Variants in TENM3 observed in about 807,000 individuals in gnomAD.
TENM3 encodes teneurin transmembrane protein 3.
Under a neutral mutation model 255.1 loss-of-function variants are expected in TENM3, and 63 were observed. That is an observed-to-expected ratio of 0.25 (90% CI 0.20 to 0.30). The LOEUF is 0.30. Ranked by LOEUF, TENM3 falls within the 10% of genes least tolerant of loss-of-function variation. The pLI, the probability that TENM3 is intolerant of heterozygous loss-of-function variation, is 1.00. For missense variants in TENM3, 2,929 were observed against 3,461.1 expected, an observed-to-expected ratio of 0.85 and a Z score of 3.86; for synonymous variants, 1,306 against 1,322.3, an observed-to-expected ratio of 0.99 and a Z score of 0.27.
intron 1 of TENM3, among the ~76,000 whole-genome samples, chr4:182,272,018 C>A (rs564294518): frequency 1.3e-5 from 2 of 152,166 alleles, no homozygotes; most frequent in African/African-American, 4.8e-5. Context: ...GGTTTGTCTC[C>A]ACACAGCTCT....
At chr4:182,770,106 A>G (rs926178519) in intron 22 of TENM3, among the ~76,000 whole-genome samples, 8 of 79,592 alleles carry the variant, frequency 1.0e-4, no homozygotes, top group African/African-American at 1.3e-4. Flanking sequence ...ACTTGTCTCG[A>G]AAAAAAAAAA....
chr4:182,157,927 T>C (rs888031007), intron 1 of TENM3, among the ~76,000 whole-genome samples: 17 of 152,366 alleles, frequency 1.1e-4, no homozygotes, highest in South Asian at 2.1e-4. Flanking sequence ...TACCAAGATA[T>C]GCGTCCTCTC....
At chr4:182,521,971 A>G (rs185560063) in intron 3 of TENM3, among the ~76,000 whole-genome samples, 2 of 152,334 alleles carry the variant, frequency 1.3e-5, no homozygotes, top group African/African-American at 4.8e-5. Context: ...AAAGAGACTT[A>G]TATGACGTTC....
At chr4:182,706,632 T>A (rs1003103033) in intron 12 of TENM3, among the ~76,000 whole-genome samples, 1 of 152,192 alleles carries the variant, frequency 6.6e-6, no homozygotes, top group African/African-American at 2.4e-5. Context: ...TCATTTTATA[T>A]GGTCATTTTA....
the TENM3 span, among the ~76,000 whole-genome samples, chr4:181,501,199 G>T: frequency 2.0e-5 from 3 of 152,112 alleles, no homozygotes; most frequent in Non-Finnish European, 2.9e-5. Context: ...GGTGGCGGGT[G>T]GTGGAGAAGG....
chr4:182,680,412 C>T, intron 9 of TENM3, 63 bp downstream of exon 9: 1 of 1,189,086 alleles, frequency 8.4e-7, no homozygotes, highest in Non-Finnish European at 1.2e-6. Flanking sequence ...CAAGTGATTC[C>T]AAAAACTACC....
the TENM3 span, among the ~76,000 whole-genome samples, chr4:181,994,557 T>TG: frequency 2.0e-5 from 3 of 149,142 alleles, no homozygotes; most frequent in Admixed American, 6.7e-5. Flanking sequence ...TTTGTGGGTT[T>TG]TTTTTTTTTT....
At chr4:181,608,645 C>A in the TENM3 span, among the ~76,000 whole-genome samples, 1 of 152,192 alleles carries the variant, frequency 6.6e-6, no homozygotes, top group African/African-American at 2.4e-5. Flanking sequence ...TGGTAAAGAA[C>A]TGAAGTAAAT....
intron 1 of TENM3, among the ~76,000 whole-genome samples, chr4:182,223,403 AG>A (rs1308138452): frequency 1.3e-5 from 2 of 152,000 alleles, no homozygotes; most frequent in African/African-American, 2.4e-5. Context: ...TTTTTTTATG[AG>A]GGGGTTTCTA....
At chr4:181,568,289 G>A in the TENM3 span, among the ~76,000 whole-genome samples, 3 of 151,126 alleles carry the variant, frequency 2.0e-5, no homozygotes, top group African/African-American at 4.9e-5. Flanking sequence ...TCAGCCTCCC[G>A]AGTAGCTGAG....
chr4:181,649,209 A>G, the TENM3 span, among the ~76,000 whole-genome samples: 1 of 152,196 alleles, frequency 6.6e-6, no homozygotes, highest in Admixed American at 6.5e-5. Flanking sequence ...CTGCTGCATG[A>G]AAATAGTTTT....
chr4:181,694,599 A>G, the TENM3 span, among the ~76,000 whole-genome samples: 1 of 152,180 alleles, frequency 6.6e-6, no homozygotes, highest in African/African-American at 2.4e-5. Flanking sequence ...GTTATACAGG[A>G]CGAATATCAC....
upstream of TENM3, among the ~76,000 whole-genome samples, chr4:182,243,144 C>T (rs1285407840): frequency 2.0e-5 from 3 of 152,118 alleles, no homozygotes; most frequent in Non-Finnish European, 2.9e-5. Flanking sequence ...GACAGAGTTT[C>T]GCTCTTGTCG....
intron 3 of TENM3, among the ~76,000 whole-genome samples, chr4:182,411,446 G>C (rs936515257): frequency 2.0e-5 from 3 of 152,080 alleles, no homozygotes; most frequent in African/African-American, 7.2e-5. Flanking sequence ...TTTACAAAGA[G>C]GAGGTTCTGA....
At chr4:182,449,809 G>C (rs1773299112) in intron 3 of TENM3, among the ~76,000 whole-genome samples, 1 of 152,196 alleles carries the variant, frequency 6.6e-6, no homozygotes, top group Non-Finnish European at 1.5e-5. Flanking sequence ...GTTGTGCTTC[G>C]ATGCAGGCTA....
chr4:181,600,380 C>T, the TENM3 span, among the ~76,000 whole-genome samples: 2 of 152,130 alleles, frequency 1.3e-5, no homozygotes, highest in Admixed American at 6.5e-5. Context: ...GTAAATCCTG[C>T]TGCAACCACT....
chr4:182,217,142 T>C (rs1755540316), intron 1 of TENM3, among the ~76,000 whole-genome samples: 1 of 146,522 alleles, frequency 6.8e-6, no homozygotes, highest in African/African-American at 2.5e-5. Context: ...TGCCTCAGCC[T>C]CCCGAGCAGC....
At chr4:182,160,107 A>G (rs1364570667) in intron 1 of TENM3, among the ~76,000 whole-genome samples, 2 of 149,926 alleles carry the variant, frequency 1.3e-5, no homozygotes, top group Non-Finnish European at 3.0e-5. Context: ...GGTTCACGCC[A>G]TTCTCCTGCC....
At chr4:182,209,540 C>G (rs1038005244) in intron 1 of TENM3, among the ~76,000 whole-genome samples, 2 of 152,124 alleles carry the variant, frequency 1.3e-5, no homozygotes, top group African/African-American at 4.8e-5. Context: ...CCCTTCGCAC[C>G]AGAATAGCTC....
Sources: allele counts gnomAD v4.1 joint callset (sites outside exome capture counted in the v4.1 genomes callset), GRCh38; gene constraint gnomAD v4.1.1; transcripts MANE v1.5; gene names NCBI Gene and HGNC (gene_info 2026-07-23, HGNC 2026-07-21).